Variants in CYTH3 observed in about 807,000 individuals in gnomAD.
CYTH3 encodes cytohesin-3.
A neutral mutation model predicts 55.1 loss-of-function variants in CYTH3; 23 were observed. The observed-to-expected ratio is 0.42, with a 90% CI of 0.30 to 0.59. CYTH3 has a LOEUF of 0.59. Ranked by LOEUF, CYTH3 falls within the 20% of genes least tolerant of loss-of-function variation. The pLI is 0.20. For synonymous variants in CYTH3, 249 were observed against 194.9 expected (o/e 1.28, Z -2.31); for missense variants, 413 against 524.8 (o/e 0.79, Z 2.08).
At chr7:6,242,446 G>A (rs1779699590) in intron 1 of CYTH3, among the ~76,000 whole-genome samples, 1 of 148,338 alleles carries the variant, frequency 6.7e-6, no homozygotes, top group Non-Finnish European at 1.5e-5. Context: ...GCACGATCTT[G>A]GCTCACTGCA....
chr7:6,235,952 T>C (rs1169848203), intron 1 of CYTH3, among the ~76,000 whole-genome samples: 1 of 152,256 alleles, frequency 6.6e-6, no homozygotes, highest in Non-Finnish European at 1.5e-5. Flanking sequence ...GAAATGTTTA[T>C]ATTCACATTT....
intron 1 of CYTH3, among the ~76,000 whole-genome samples, chr7:6,222,387 A>G (rs921460152): frequency 1.3e-5 from 2 of 152,188 alleles, no homozygotes; most frequent in African/African-American, 4.8e-5. Context: ...CACCTGCTGA[A>G]GAGAGGAGTC....
chr7:6,168,920 C>T (rs763748626), intron 9 of CYTH3, among the ~76,000 whole-genome samples: 1 of 152,232 alleles, frequency 6.6e-6, no homozygotes, highest in Non-Finnish European at 1.5e-5. Context: ...GAACATCCCA[C>T]TTATCCCGGC....
intron 1 of CYTH3, among the ~76,000 whole-genome samples, chr7:6,268,947 G>C (rs1025368244): frequency 2.0e-5 from 3 of 152,318 alleles, no homozygotes; most frequent in East Asian, 1.9e-4. Context: ...AGGGTAAAAG[G>C]GAGGAGGTAT....
At chr7:6,172,897 T>C (rs942026515) in intron 6 of CYTH3, 6 of 1,235,678 alleles carry the variant, frequency 4.9e-6, no homozygotes, top group Admixed American at 2.6e-5. Flanking sequence ...GCTGCCAACA[T>C]TGCAGTCTGC....
rs920217997 is a variant in CYTH3, at chr7:6,167,101, G to A, written c.824-1291C>T. ...AACCCTCTGCCCCAACTGTGGCACC[G>A]CCTCACTGGTCCCCTTTAAGACCCA... On this transcript the variant is annotated intron_variant, in intron 9 of 12. Transcript: ENST00000350796. The surrounding 1 kb of genome is among the most constrained non-coding windows in gnomAD (Gnocchi z 5.5). Among the ~76,000 whole-genome samples, 4 of 152,096 alleles carry A rather than the reference G, an allele frequency of 2.6e-5. No homozygotes were observed. Among genetic ancestry groups the A allele is most frequent in the African/African-American group, 7.2e-5 (3 of 41,424 alleles).
rs71531362 is a variant in CYTH3 at position 6,167,905 on chromosome 7, C to A, written c.824-2095G>T. On this transcript the variant is annotated intron_variant, in intron 9 of 12. Transcript: ENST00000350796. This position sits in a 1 kb window ranked among gnomAD's most constrained non-coding sequence, Gnocchi z 5.5. Reference sequence around the variant, plus strand: ...CACCTTGGGTCCCCCGCTCACACCTCCCATGCAGAGCCCCATCCCTGTCCA... The same window carrying A: ...CACCTTGGGTCCCCCGCTCACACCTACCATGCAGAGCCCCATCCCTGTCCA... 1.3e-5 allele frequency among the ~76,000 whole-genome samples: 2 copies of A among 152,246 alleles called. No homozygotes were observed. Among genetic ancestry groups the A allele is most frequent in the South Asian group, 2.1e-4 (1 of 4,838 alleles).
At chr7:6,254,142 C>A (rs1780043853) in intron 1 of CYTH3, among the ~76,000 whole-genome samples, 1 of 151,948 alleles carries the variant, frequency 6.6e-6, no homozygotes, top group African/African-American at 2.4e-5. Context: ...AGAGATCGCA[C>A]CACTGCACTC....
At chr7:6,260,503 C>CT (rs920508748) in intron 1 of CYTH3, among the ~76,000 whole-genome samples, 1 of 152,106 alleles carries the variant, frequency 6.6e-6, no homozygotes. Flanking sequence ...TGGCACGTGC[C>CT]TTTCCTTCAG....
rs1779344743 is a variant in CYTH3 at position 6,229,831 on chromosome 7, A to AAAAAAT, written c.35-39306_35-39301dup. Among the ~76,000 whole-genome samples, 4 of 151,076 alleles carry AAAAAAT rather than the reference A, an allele frequency of 2.6e-5. No homozygotes were observed. In the South Asian group the frequency reaches 8.4e-4, roughly 32 times the overall value. On this transcript the variant is annotated intron_variant, in intron 1 of 12. Transcript: ENST00000350796. ...GACCCTGTCTCAAAAGAAAAAAAAA[A>AAAAAAT]AAAAATGGAATTATCTATCTCAGGC... is the stretch of plus-strand genomic sequence containing the variant.
chr7:6,168,850 G>C (rs1783087852), intron 9 of CYTH3, among the ~76,000 whole-genome samples: 1 of 152,230 alleles, frequency 6.6e-6, no homozygotes, highest in Admixed American at 6.5e-5. Flanking sequence ...TGGCGTCACT[G>C]TCCCTCGAGG....
intron 1 of CYTH3, among the ~76,000 whole-genome samples, chr7:6,263,479 A>G (rs1780407469): frequency 6.6e-6 from 1 of 152,200 alleles, no homozygotes; most frequent in Non-Finnish European, 1.5e-5. Context: ...TTGTAACACC[A>G]CCAGTGTAAC....
At chr7:6,268,622 T>C (rs1007066226) in intron 1 of CYTH3, among the ~76,000 whole-genome samples, 3 of 152,190 alleles carry the variant, frequency 2.0e-5, no homozygotes, top group African/African-American at 4.8e-5. Context: ...CTCAAGGCAA[T>C]AAATAATCTT....
chr7:6,196,684 C>T (rs2128545711), intron 1 of CYTH3, among the ~76,000 whole-genome samples: 1 of 152,264 alleles, frequency 6.6e-6, no homozygotes, highest in South Asian at 2.1e-4. Context: ...TGGTCTCAAA[C>T]TCCTGACCTC....
intron 2 of CYTH3, among the ~76,000 whole-genome samples, chr7:6,188,239 G>C (rs1376195483): frequency 6.6e-6 from 1 of 151,960 alleles, no homozygotes; most frequent in African/African-American, 2.4e-5. Context: ...AGGCTGAGGA[G>C]GGAGGACTGC....
chr7:6,272,410 G>GGGGGGGGGCCC, intron 1 of CYTH3, 64 bp downstream of exon 1: 2 of 1,216,616 alleles, frequency 1.6e-6, no homozygotes, highest in African/African-American at 1.6e-5. Flanking sequence ...CCGCGCCCTC[G>GGGGGGGGGCCC]ACCCCCAGCC....
At chr7:6,184,131 G>C (rs578140469) in intron 4 of CYTH3, among the ~76,000 whole-genome samples, 1 of 133,374 alleles carries the variant, frequency 7.5e-6, no homozygotes, top group Non-Finnish European at 1.5e-5. Context: ...CGGAATCTCG[G>C]CTTACTGCAA....
intron 1 of CYTH3, among the ~76,000 whole-genome samples, chr7:6,260,256 G>A (rs1780318884): frequency 6.6e-6 from 1 of 151,998 alleles, no homozygotes; most frequent in South Asian, 2.1e-4. Context: ...TAAAGGATCT[G>A]CCAATAATTT....
intron 3 of CYTH3, 145 bp from the exon 4 acceptor site, chr7:6,187,261 G>C (rs1783678776): frequency 2.6e-6 from 2 of 765,364 alleles, no homozygotes; most frequent in African/African-American, 3.5e-5. Context: ...AGTCTCCGCA[G>C]TGGCGGCAGG....
Sources: allele counts gnomAD v4.1 joint callset (sites outside exome capture counted in the v4.1 genomes callset), GRCh38; gene constraint gnomAD v4.1.1; non-coding constraint Gnocchi (gnomAD v3.1); transcripts MANE v1.5; gene names NCBI Gene and HGNC (gene_info 2026-07-23, HGNC 2026-07-21).